DST: variants seen among roughly 807,000 people sequenced by gnomAD.
DST encodes bullous pemphigoid antigen.
Under a neutral mutation model 875.2 loss-of-function variants are expected in DST, and 253 were observed. The ratio of observed to expected loss-of-function variants is 0.29; its 90% CI spans 0.26 to 0.32. The LOEUF (loss-of-function observed/expected upper bound fraction) is 0.32, where lower values mean the gene tolerates loss of function less well. DST is among the 10% of genes least tolerant of loss of function. The pLI, the probability that DST is intolerant of heterozygous loss-of-function variation, is 1.00. For missense variants in DST, 8,287 were observed against 9,111.6 expected, an observed-to-expected ratio of 0.91 and a Z score of 3.68; for synonymous variants, 3,124 against 3,197.1, an observed-to-expected ratio of 0.98 and a Z score of 0.77.
chr6:56,650,388 T>TAGACTAATA (rs1358577257), intron 12 of DST, among the ~76,000 whole-genome samples: 1 of 140,198 alleles, frequency 7.1e-6, no homozygotes, highest in Non-Finnish European at 1.5e-5. Context: ...TAAGAAATAG[T>TAGACTAATA]AGACTAATAA....
At position 56,716,298 on chromosome 6, in the gene DST, C is replaced by T. The variant is rs76733338; in HGVS notation, c.688-11929G>A. ...GTTTGACAAAAGAACAAAGGCAATT[C>T]AGTGGAGAAAGGATAGCCTTTTCAA... is the stretch of plus-strand genomic sequence containing the variant. On this transcript the variant is annotated intron_variant, in intron 5 of 103. Transcript: ENST00000680361. Among the ~76,000 whole-genome samples the T allele has an allele frequency of 6.5e-3, 988 of 152,324 alleles. 12 individuals are homozygous for T. Among genetic ancestry groups the T allele is most frequent in the African/African-American group, 0.023 (958 of 41,556 alleles).
At chr6:56,919,797 A>T (rs1313442894) in intron 2 of DST, among the ~76,000 whole-genome samples, 1 of 152,040 alleles carries the variant, frequency 6.6e-6, no homozygotes, top group Admixed American at 6.6e-5. Context: ...AAATACAATA[A>T]TTAGCCAGGC....
intron 4 of DST, chr6:56,843,356 C>T (rs1251622268): frequency 1.4e-5 from 17 of 1,191,234 alleles, no homozygotes; most frequent in Non-Finnish European, 1.8e-5. Flanking sequence ...GGCCTCCGGG[C>T]AGGCCGATGG....
At chr6:56,626,339 A>G (rs962338749) in intron 34 of DST, among the ~76,000 whole-genome samples, 1 of 152,176 alleles carries the variant, frequency 6.6e-6, no homozygotes, top group Non-Finnish European at 1.5e-5. Flanking sequence ...GGTGCTCTAT[A>G]CAAGTGTACC....
At chr6:56,481,212 G>T (rs2095389863) in intron 90 of DST, among the ~76,000 whole-genome samples, 1 of 152,186 alleles carries the variant, frequency 6.6e-6, no homozygotes, top group Non-Finnish European at 1.5e-5. Context: ...AATTAATGAT[G>T]TATTTCCAGC....
chr6:56,938,831 C>T (rs1396879394), intron 2 of DST, among the ~76,000 whole-genome samples: 2 of 152,186 alleles, frequency 1.3e-5, no homozygotes, highest in Non-Finnish European at 2.9e-5. Context: ...AGAGACCATG[C>T]AGAGGAAAAC....
intron 94 of DST, 38 bp from the exon 95 acceptor site, chr6:56,471,306 G>A (rs2094878872): frequency 3.4e-6 from 5 of 1,488,428 alleles, no homozygotes; most frequent in Non-Finnish European, 4.6e-6. Flanking sequence ...AGTTAATGCT[G>A]TACTAAAATT....
At chr6:56,787,652 AT>A (rs1043265420) in intron 4 of DST, among the ~76,000 whole-genome samples, 10 of 152,342 alleles carry the variant, frequency 6.6e-5, no homozygotes, top group Non-Finnish European at 1.5e-4. Flanking sequence ...GTAATTAACC[AT>A]AGTGATTAAT....
In DST at chr6:56,464,691, T is replaced by C. The variant is rs1385164382; in HGVS notation, c.22753A>G (p.Thr7585Ala). 4 of 1,595,918 alleles carry C rather than the reference T, an allele frequency of 2.5e-6. No homozygotes were observed. Among genetic ancestry groups the C allele is most frequent in the Admixed American group, 1.7e-5 (1 of 57,824 alleles). The change falls in exon 100 of 104, where the codon ACT (threonine) becomes GCT (alanine). Residue 7585 changes from threonine (T) to alanine (A), a missense_variant. This residue lies in a region of DST where 64 missense variants were observed against 86.2 expected (regional missense o/e 0.74). Transcript: ENST00000680361. ...SNSSITTTQP[T>A]IAKGRTNMEL... ...AAAGAGAGAGGTTGCCAACCTATAG[T>C]AGGCTGAGTAGTAGTAATTGAAGAG...
chr6:56,704,019 A>G (rs1281227308), intron 6 of DST, among the ~76,000 whole-genome samples: 2 of 152,190 alleles, frequency 1.3e-5, no homozygotes, highest in Non-Finnish European at 2.9e-5. Context: ...AAGGTAAAAA[A>G]GAAGCAAGAA....
At chr6:56,912,336 T>G (rs1330454123) in intron 2 of DST, among the ~76,000 whole-genome samples, 1 of 152,220 alleles carries the variant, frequency 6.6e-6, no homozygotes, top group Admixed American at 6.5e-5. Context: ...TTATTTAAAT[T>G]TTAATTAATT....
intron 9 of DST, among the ~76,000 whole-genome samples, chr6:56,699,254 C>G (rs1044496981): frequency 6.6e-6 from 1 of 152,092 alleles, no homozygotes; most frequent in African/African-American, 2.4e-5. Context: ...CATCTAGTGT[C>G]TATCAAAGGA....
intron 69 of DST, among the ~76,000 whole-genome samples, chr6:56,525,754 C>CA (rs772678833): frequency 1.1e-4 from 16 of 152,294 alleles, no homozygotes; most frequent in Non-Finnish European, 1.2e-4. Context: ...TCCAGGACCC[C>CA]ACTCATTGCC....
Position 56,608,292 on chromosome 6 carries a change from A to C in DST, c.6336T>G (p.Ile2112Met). 1.9e-6 allele frequency: 3 copies of C among 1,613,548 alleles called. No homozygotes were observed. The change falls in exon 40 of 104, where the codon ATT (isoleucine) becomes ATG (methionine). Residue 2112 changes from isoleucine (I) to methionine (M), a missense_variant. Ile to Met is a conservative substitution (Grantham distance 10, BLOSUM62 1). Coordinates refer to ENST00000680361, the MANE Select transcript of DST (RefSeq NM_001374736.1). The stretch of plus-strand genomic sequence containing the variant: ...AACCAATGACTTGAGAACTTTCTGG[A>C]ATATAAAGAGCAGCTATTTTTTGTC... ...NGRQKIAALYIPESSQVIGLD... is the reference protein window; with the variant it reads ...NGRQKIAALYMPESSQVIGLD...
rs1382596937 is a variant in DST at position 56,562,173 on chromosome 6, G to A, written c.14033C>T (p.Thr4678Ile). The change falls in exon 56 of 104, where the codon ACA (threonine) becomes ATA (isoleucine). Residue 4678 changes from threonine (T) to isoleucine (I), a missense_variant. Thr to Ile is a moderately conservative substitution (Grantham distance 89). This residue lies in a region of DST where 1,513 missense variants were observed against 1,677.8 expected (regional missense o/e 0.90). Coordinates refer to ENST00000680361, the MANE Select transcript of DST (RefSeq NM_001374736.1). ...CCAAAATTCCTCAGTATTTGTGGCT[G>A]TTCCTTCACCATTTAATACTGCTCC... is the stretch of plus-strand genomic sequence containing the variant. Reference protein sequence around the residue: ...SGGAVLNGEGTATNTEEFWAN... With the variant: ...SGGAVLNGEGIATNTEEFWAN... The A allele has an allele frequency of 1.9e-6, 3 of 1,555,526 alleles. No individual in the cohort carries two copies. Among genetic ancestry groups the A allele is most frequent in the African/African-American group, 2.7e-5 (2 of 73,092 alleles).
chr6:56,894,762 C>A (rs1790102239), intron 3 of DST, among the ~76,000 whole-genome samples: 1 of 92,258 alleles, frequency 1.1e-5, no homozygotes, highest in South Asian at 3.1e-4. Context: ...GGGGGCTGAC[C>A]CCCCCTCCCC....
At chr6:56,863,725 A>G (rs1171135535) in intron 3 of DST, 1 of 152,238 alleles carries the variant, frequency 6.6e-6, no homozygotes, top group Admixed American at 6.5e-5. Context: ...AAAAATGTGT[A>G]TCTGTGTCCA....
chr6:56,511,275 G>A lies in DST; in HGVS notation c.18702C>T (p.Asp6234=), dbSNP rs759480002. ...CTTCTTTAATTTGACTGTAAAGGGT[G>A]TCGGCTGCCACATACTTCTCTTGGA... ...FSIQEKYVAA[D]TLYSQIKEDV... is the part of the protein sequence containing the mutation. The change falls in exon 73 of 104, where the codon GAC becomes GAT. Residue 6234 remains aspartate, a synonymous_variant. Transcript: ENST00000680361. 37 of 1,601,450 alleles carry A rather than the reference G, an allele frequency of 2.3e-5. No individual in the cohort carries two copies. The highest frequency in any genetic ancestry group is 3.2e-5 in the Non-Finnish European group (37 of 1,173,380).
chr6:56,676,405 CT>C (rs1397817968), intron 9 of DST, among the ~76,000 whole-genome samples: 1 of 152,146 alleles, frequency 6.6e-6, no homozygotes, highest in Non-Finnish European at 1.5e-5. Context: ...GAATAGGGAA[CT>C]TTTGCACTGT....
Sources: gnomAD v4.1 joint callset for allele counts (sites outside exome capture counted in the v4.1 genomes callset) on GRCh38, gnomAD v4.1.1 for gene constraint, gnomAD v4.1.1 regional missense constraint, MANE v1.5 for transcripts, NCBI Gene and HGNC (gene_info 2026-07-23, HGNC 2026-07-21) for gene names.